Variants in TLN2 observed in about 807,000 individuals in gnomAD.
TLN2 encodes the protein talin-2.
Under a neutral mutation model 294.7 loss-of-function variants are expected in TLN2, and 118 were observed. The observed-to-expected ratio is 0.40, with a 90% CI of 0.34 to 0.47. The LOEUF (loss-of-function observed/expected upper bound fraction) is 0.47, where lower values mean the gene tolerates loss of function less well. TLN2 is among the 20% of genes least tolerant of loss of function. The probability of loss-of-function intolerance (pLI) is 0.84; values close to 1 mark genes in which losing one functional copy is unlikely to be tolerated. For synonymous variants in TLN2, 1,431 were observed against 1,304.5 expected, an observed-to-expected ratio of 1.10 and a Z score of -2.09; for missense variants, 3,083 against 3,282.2, an observed-to-expected ratio of 0.94 and a Z score of 1.48.
At chr15:62,595,620 T>C (rs1037692680) in intron 2 of TLN2, among the ~76,000 whole-genome samples, 1 of 152,322 alleles carries the variant, frequency 6.6e-6, no homozygotes, top group South Asian at 2.1e-4. Flanking sequence ...CCTATGTTCA[T>C]TGCAGCACTG....
intron 54 of TLN2, among the ~76,000 whole-genome samples, chr15:62,826,540 T>C (rs558475749): frequency 6.6e-6 from 1 of 152,322 alleles, no homozygotes; most frequent in South Asian, 2.1e-4. Context: ...GGTGTACCTT[T>C]TGTTTGAACT....
chr15:62,755,026 G>A (rs1215345146), intron 36 of TLN2: 1 of 153,020 alleles, frequency 6.5e-6, no homozygotes, highest in Non-Finnish European at 1.5e-5. Flanking sequence ...AGTGCACACT[G>A]AATTTCAAAG....
At chr15:62,440,019 G>A (rs2035473797) in intron 1 of TLN2, among the ~76,000 whole-genome samples, 1 of 152,134 alleles carries the variant, frequency 6.6e-6, no homozygotes, top group Admixed American at 6.5e-5. Flanking sequence ...AGACAGGGCA[G>A]GATAACCTGG....
chr15:62,733,535 C>A (rs569024685), intron 28 of TLN2, among the ~76,000 whole-genome samples: 13 of 152,300 alleles, frequency 8.5e-5, no homozygotes, highest in South Asian at 6.2e-4. Flanking sequence ...ATTACAATTA[C>A]ACATAACCCT....
intron 1 of TLN2, among the ~76,000 whole-genome samples, chr15:62,575,696 C>G (rs183057511): frequency 6.6e-6 from 1 of 152,292 alleles, no homozygotes; most frequent in East Asian, 1.9e-4. Context: ...TGGAAGCACA[C>G]TAAAGTCCAC....
intron 51 of TLN2, among the ~76,000 whole-genome samples, chr15:62,808,059 G>GC (rs1200144158): frequency 6.6e-6 from 1 of 152,090 alleles, no homozygotes; most frequent in Non-Finnish European, 1.5e-5. Flanking sequence ...CCCTAGTCCA[G>GC]CTCTGCCTTT....
At chr15:62,674,586 C>T (rs928955512) in intron 10 of TLN2, among the ~76,000 whole-genome samples, 7 of 149,034 alleles carry the variant, frequency 4.7e-5, no homozygotes, top group Admixed American at 3.4e-4. Context: ...CTCCGTACCT[C>T]CCCCCGCCCT....
At chr15:62,599,024 G>C (rs138334752) in intron 2 of TLN2, among the ~76,000 whole-genome samples, 23 of 152,272 alleles carry the variant, frequency 1.5e-4, no homozygotes, top group African/African-American at 5.1e-4. Context: ...GCACATTGAG[G>C]ATGGGGTGGC....
chr15:62,628,858 A>C (rs946819203), intron 3 of TLN2, among the ~76,000 whole-genome samples: 5 of 152,210 alleles, frequency 3.3e-5, no homozygotes, highest in African/African-American at 1.2e-4. Flanking sequence ...TGACAGCATA[A>C]TTCCCAGTTT....
intron 2 of TLN2, among the ~76,000 whole-genome samples, chr15:62,593,700 A>G (rs946785059): frequency 1.3e-5 from 2 of 152,250 alleles, no homozygotes; most frequent in African/African-American, 4.8e-5. Flanking sequence ...GGGAAGATCT[A>G]AAATGGCCAT....
chr15:62,753,100 C>T (rs2062027259), intron 35 of TLN2, among the ~76,000 whole-genome samples: 1 of 152,116 alleles, frequency 6.6e-6, no homozygotes, highest in Non-Finnish European at 1.5e-5. Context: ...TGCACAGATT[C>T]ATTTTTTCTT....
chr15:62,777,629 C>T (rs2063814611), intron 43 of TLN2, among the ~76,000 whole-genome samples: 1 of 152,142 alleles, frequency 6.6e-6, no homozygotes, highest in African/African-American at 2.4e-5. Context: ...GCTCCACCCC[C>T]AACCCACTCA....
intron 1 of TLN2, among the ~76,000 whole-genome samples, chr15:62,529,297 T>C (rs749397248): frequency 7.2e-5 from 11 of 152,138 alleles, no homozygotes; most frequent in Non-Finnish European, 1.2e-4. Flanking sequence ...CGGGTCTGTG[T>C]TGCCAGGGCT....
At chr15:62,702,981 A>G in intron 19 of TLN2, 117 bp downstream of exon 19, 1 of 901,998 alleles carries the variant, frequency 1.1e-6, no homozygotes, top group East Asian at 2.6e-5. Context: ...CAAGAATGCG[A>G]TTGAGATGGA....
chr15:62,491,351 T>A (rs2919912), intron 1 of TLN2, among the ~76,000 whole-genome samples: 1 of 100,296 alleles, frequency 1.0e-5, no homozygotes, highest in African/African-American at 4.4e-5. Context: ...TATATATATA[T>A]ACACACACAC....
intron 2 of TLN2, among the ~76,000 whole-genome samples, chr15:62,606,248 A>ATTTTTT (rs771750764): frequency 0.039 from 5,338 of 136,628 alleles, 216 homozygotes; most frequent in African/African-American, 0.093. Context: ...TGCTTGGCTA[A>ATTTTTT]TTTTTTTTTT....
chr15:62,511,150 A>G (rs928382543), intron 1 of TLN2, among the ~76,000 whole-genome samples: 1 of 152,214 alleles, frequency 6.6e-6, no homozygotes, highest in African/African-American at 2.4e-5. Context: ...GATAAGGCTG[A>G]ACTAGGATGA....
chr15:62,787,511 T>C (rs1036639076), intron 45 of TLN2, among the ~76,000 whole-genome samples: 4 of 152,154 alleles, frequency 2.6e-5, no homozygotes, highest in African/African-American at 9.7e-5. Context: ...ATTGAGGGTT[T>C]TTCTTGAGTC....
In TLN2 at chr15:62,587,557, A is replaced by G. The variant is rs72755806; in HGVS notation, c.-237-2130A>G. 4.4e-3 allele frequency among the ~76,000 whole-genome samples: 676 copies of G among 152,306 alleles called. 3 individuals carry two copies. The highest frequency in any genetic ancestry group is 6.5e-3 in the Non-Finnish European group (441 of 68,030). The stretch of plus-strand genomic sequence containing the variant: ...AATATAGACCTCCAACATTGTTTTC[A>G]ATGTCTATGTGGTTTACTCAACATG... On this transcript the variant is annotated intron_variant, in intron 1 of 58. Coordinates refer to ENST00000636159, the MANE Select transcript of TLN2 (RefSeq NM_015059.3).
Sources: gnomAD v4.1 joint callset for allele counts (sites outside exome capture counted in the v4.1 genomes callset) on GRCh38, gnomAD v4.1.1 for gene constraint, MANE v1.5 for transcripts, NCBI Gene and HGNC (gene_info 2026-07-23, HGNC 2026-07-21) for gene names.